Variants in NLRP14 observed in about 807,000 individuals in gnomAD.
NLRP14 encodes NLR family pyrin domain containing 14, also known as NACHT, LRR and PYD domains-containing protein 14.
Under a neutral mutation model 94.7 loss-of-function variants are expected in NLRP14, and 105 were observed. The observed-to-expected ratio is 1.11, with a 90% CI of 0.95 to 1.30. The LOEUF is 1.30. NLRP14 is among the 50% of genes most tolerant of loss of function. NLRP14 has a pLI of 0.00. For synonymous variants in NLRP14, 508 were observed against 459.9 expected (o/e 1.10, Z -1.34); for missense variants, 1,362 against 1,254.1 (o/e 1.09, Z -1.30).
At chr11:7,040,028 C>T (rs537177615) in intron 3 of NLRP14, among the ~76,000 whole-genome samples, 13 of 152,120 alleles carry the variant, frequency 8.5e-5, no homozygotes, top group South Asian at 2.1e-4. Context: ...GAAGGGCTGA[C>T]GCACAAAGGT....
downstream of NLRP14, among the ~76,000 whole-genome samples, chr11:7,075,702 T>C (rs1852867204): frequency 1.3e-5 from 2 of 152,218 alleles, no homozygotes; most frequent in African/African-American, 4.8e-5. Flanking sequence ...ATATAGTCAC[T>C]AGTAATTGTT....
intron 1 of NLRP14, among the ~76,000 whole-genome samples, chr11:7,023,525 ATATATT>A (rs945592678): frequency 3.6e-4 from 10 of 27,454 alleles, no homozygotes; most frequent in Non-Finnish European, 9.9e-4. Flanking sequence ...AATATATAAA[ATATATT>A]TATATTTATA....
At chr11:7,035,478 C>A (rs1429282335) in intron 1 of NLRP14, among the ~76,000 whole-genome samples, 2 of 152,122 alleles carry the variant, frequency 1.3e-5, no homozygotes. Flanking sequence ...TAATTGGCAT[C>A]AAATAGGTAG....
chr11:7,062,292 C>G, intron 9 of NLRP14, 41 bp from the exon 10 acceptor site: 2 of 1,550,760 alleles, frequency 1.3e-6, no homozygotes, highest in Non-Finnish European at 1.8e-6. Flanking sequence ...TATTTAACCT[C>G]ACAATGGAAG....
intron 6 of NLRP14, among the ~76,000 whole-genome samples, chr11:7,056,415 A>T (rs1045791528): frequency 3.3e-5 from 5 of 151,358 alleles, no homozygotes; most frequent in African/African-American, 1.2e-4. Context: ...TCTTCTTTGC[A>T]GCTGCAAGGG....
intron 1 of NLRP14, among the ~76,000 whole-genome samples, chr11:7,029,829 T>C (rs1483693527): frequency 6.6e-6 from 1 of 152,176 alleles, no homozygotes; most frequent in Non-Finnish European, 1.5e-5. Flanking sequence ...TTTGAGGTAG[T>C]TTTTGTATGA....
At chr11:7,040,060 G>A (rs1852224706) in intron 3 of NLRP14, among the ~76,000 whole-genome samples, 1 of 152,144 alleles carries the variant, frequency 6.6e-6, no homozygotes, top group African/African-American at 2.4e-5. Flanking sequence ...TATATTTTAT[G>A]GACTAAAAGT....
At chr11:7,053,949 C>T (rs141423955) in intron 6 of NLRP14, among the ~76,000 whole-genome samples, 234 of 152,186 alleles carry the variant, frequency 1.5e-3, no homozygotes, top group African/African-American at 5.2e-3. Flanking sequence ...CCCCTCATTC[C>T]CCCACTGTGC....
chr11:7,086,391 C>G, the NLRP14 span, among the ~76,000 whole-genome samples: 5 of 152,336 alleles, frequency 3.3e-5, no homozygotes, highest in Admixed American at 1.3e-4. Flanking sequence ...GCTTTTGCCA[C>G]AAGCCCTAAT....
chr11:7,060,946 A>G (rs1046818183), intron 9 of NLRP14, among the ~76,000 whole-genome samples: 1 of 152,054 alleles, frequency 6.6e-6, no homozygotes, highest in Non-Finnish European at 1.5e-5. Flanking sequence ...ATTTCATTGC[A>G]TAAATACTTT....
At chr11:7,032,201 T>A (rs1243825088) in intron 1 of NLRP14, among the ~76,000 whole-genome samples, 1 of 152,216 alleles carries the variant, frequency 6.6e-6, no homozygotes, top group Admixed American at 6.5e-5. Flanking sequence ...TTAGGACAAT[T>A]TGTGGTAATT....
At position 7,042,313 on chromosome 11, in the gene NLRP14, A is replaced by C. The variant is rs574221161; in HGVS notation, c.362-75A>C. ...CCTAATTCCAAGTTCGGTATTCTTG[A>C]CATTACATTTCATAGAATTTGTTTT... On this transcript the variant is annotated intron_variant, in intron 3 of 11. Coordinates refer to ENST00000299481, the MANE Select transcript of NLRP14 (RefSeq NM_176822.4). 2.5e-4 allele frequency: 306 copies of C among 1,220,898 alleles called. No homozygotes were observed. The African/African-American group carries it at 4.0e-3, about 16-fold the overall frequency. The allele number at this position is 1,220,898 out of a possible 1,614,324, so 75.6% of individuals were successfully genotyped here.
At chr11:7,075,198 T>C (rs990593082), downstream of NLRP14, among the ~76,000 whole-genome samples, 1 of 152,212 alleles carries the variant, frequency 6.6e-6, no homozygotes, top group African/African-American at 2.4e-5. Flanking sequence ...TGGGGATCCA[T>C]TCAGTCAGTT....
intron 6 of NLRP14, among the ~76,000 whole-genome samples, chr11:7,052,752 C>A (rs1852459007): frequency 6.6e-6 from 1 of 152,070 alleles, no homozygotes; most frequent in Non-Finnish European, 1.5e-5. Flanking sequence ...AGCATATGGA[C>A]CAATAGAAAT....
rs756999802 is a variant in NLRP14 at position 7,046,649 on chromosome 11, C to T, written c.1959-19C>T. On this transcript the variant is annotated intron_variant, in intron 4 of 11. Transcript: ENST00000299481. ...ATAAAATCAGCATTGTTTTTCTTTT[C>T]TCAATTATTTATGCAAAGGGATGGT... is the stretch of plus-strand genomic sequence containing the variant. 2.1e-5 allele frequency: 34 copies of T among 1,608,476 alleles called. No individual in the cohort carries two copies. The highest frequency in any genetic ancestry group is 4.3e-6 in the Non-Finnish European group (5 of 1,175,040).
chr11:7,066,470 CT>C (rs1157716586), intron 10 of NLRP14, among the ~76,000 whole-genome samples: 2 of 152,276 alleles, frequency 1.3e-5, no homozygotes, highest in African/African-American at 4.8e-5. Context: ...TGATGATGAG[CT>C]TTTTTTCATA....
intron 6 of NLRP14, among the ~76,000 whole-genome samples, chr11:7,051,243 G>C (rs1287261338): frequency 6.6e-6 from 1 of 152,204 alleles, no homozygotes; most frequent in Non-Finnish European, 1.5e-5. Context: ...GGGACTGCAT[G>C]TTCCCCCAGT....
chr11:7,058,332 C>T lies in NLRP14; in HGVS notation c.2515C>T (p.Leu839Phe). 6.2e-7 allele frequency: 1 copy of T among 1,612,576 alleles called. No homozygotes were observed. The highest frequency in any genetic ancestry group is 8.5e-7 in the Non-Finnish European group (1 of 1,178,890). The change falls in exon 8 of 12, where the codon CTC becomes TTC. Residue 839 changes from leucine (L) to phenylalanine (F), a missense_variant. Transcript: ENST00000299481. ...EAGCEYLSLA[L>F]ISNKRLTHLC... Reference sequence around the variant, plus strand: ...TGGCTGTGAGTATCTTTCTTTGGCTCTCATCAGCAATAAAAGACTGACACA... The same window carrying T: ...TGGCTGTGAGTATCTTTCTTTGGCTTTCATCAGCAATAAAAGACTGACACA...
chr11:7,084,548 C>A, the NLRP14 span, among the ~76,000 whole-genome samples: 1 of 152,098 alleles, frequency 6.6e-6, no homozygotes, highest in Non-Finnish European at 1.5e-5. Flanking sequence ...CATAACAATC[C>A]CGAAAAGGCT....
Sources: gnomAD v4.1 joint callset for allele counts (sites outside exome capture counted in the v4.1 genomes callset) on GRCh38, gnomAD v4.1.1 for gene constraint, MANE v1.5 for transcripts, NCBI Gene and HGNC (gene_info 2026-07-23, HGNC 2026-07-21) for gene names.